TTC5: variants seen among roughly 807,000 people sequenced by gnomAD.
The protein encoded by TTC5 is tetratricopeptide repeat protein 5.
A neutral mutation model predicts 57.4 loss-of-function variants in TTC5; 46 were observed. That is an observed-to-expected ratio of 0.80 (90% CI 0.63 to 1.03). The LOEUF (loss-of-function observed/expected upper bound fraction) is 1.03. TTC5 is among the 50% of genes least tolerant of loss of function. The pLI is 0.00. For synonymous variants in TTC5, 190 were observed against 203.5 expected (o/e 0.93, Z 0.57); for missense variants, 504 against 528.1 (o/e 0.95, Z 0.45).
intron 9 of TTC5, among the ~76,000 whole-genome samples, chr14:20,291,337 C>T (rs901879439): frequency 6.6e-6 from 1 of 152,188 alleles, no homozygotes; most frequent in Admixed American, 6.5e-5. Context: ...GGATTTTACG[C>T]ATGAGCCACC....
intron 3 of TTC5, chr14:20,300,296 G>C (rs907692819): frequency 3.7e-6 from 1 of 268,020 alleles, no homozygotes; most frequent in Non-Finnish European, 7.0e-6. Context: ...ACCACACCCA[G>C]CCCTAATTTT....
intron 1 of TTC5, chr14:20,305,447 G>A (rs775021730): frequency 1.6e-4 from 26 of 165,626 alleles, no homozygotes; most frequent in Non-Finnish European, 3.1e-4. Flanking sequence ...ATCCTAAGGG[G>A]AGTAACCAGG....
chr14:20,303,664 TATAAAAAACGTACATCATATC>T (rs144969007), intron 1 of TTC5, among the ~76,000 whole-genome samples: 8,824 of 152,272 alleles, frequency 0.058, 361 homozygotes, highest in Middle Eastern at 0.1. Context: ...GGAGTGATCT[TATAAAAAACGTACATCATATC>T]ACAAACCTTC....
rs1178070488 is a variant in TTC5, at chr14:20,290,744, CTG to C, written c.1204-1000_1204-999del. 2.6e-5 allele frequency among the ~76,000 whole-genome samples: 4 copies of C among 152,178 alleles called. 1 individual carries two copies. On this transcript the variant is annotated intron_variant, in intron 9 of 9. Transcript: ENST00000258821. ...ACAAGCAAAGATACAAAAATCCTCA[CTG>C]TGTTTCTAATTTTTTTTCTATTATA... is the stretch of plus-strand genomic sequence containing the variant.
chr14:20,289,467 GGA>G lies in TTC5; in HGVS notation c.*158_*159del. On this transcript the variant is annotated 3_prime_UTR_variant, in exon 10 of 10. Transcript: ENST00000258821. ...AGAGCTGGAACATGATGAGGACAGA[GGA>G]GAGAGAAGAGATACGAAGTGTAATA... The G allele has an allele frequency of 1.2e-6, 1 of 814,128 alleles. No individual in the cohort carries two copies. Among genetic ancestry groups the G allele is most frequent in the East Asian group, 2.8e-5 (1 of 35,934 alleles). 50.4% of individuals were successfully genotyped at this position (814,128 alleles called of 1,614,324 possible). A position where few individuals can be genotyped will look rare whatever the true frequency, so the allele number is the denominator to read the frequency against.
chr14:20,296,565 G>C, intron 5 of TTC5, 119 bp from the exon 6 acceptor site: 2 of 812,392 alleles, frequency 2.5e-6, no homozygotes, highest in South Asian at 2.9e-5. Flanking sequence ...TGCCAAAATG[G>C]TATTTATACC....
intron 6 of TTC5, among the ~76,000 whole-genome samples, 160 bp from the exon 7 acceptor site, chr14:20,296,014 CT>C (rs1882055260): frequency 6.6e-6 from 1 of 152,222 alleles, no homozygotes; most frequent in South Asian, 2.1e-4. Context: ...ACCTTACATC[CT>C]TCTTCCTAGC....
intron 9 of TTC5, among the ~76,000 whole-genome samples, chr14:20,291,602 T>C (rs1279547926): frequency 1.3e-5 from 2 of 152,198 alleles, no homozygotes; most frequent in African/African-American, 4.8e-5. Flanking sequence ...TGTGGTGAAA[T>C]ATGTAAAAAC....
At chr14:20,302,101 G>T in intron 1 of TTC5, 136 bp from the exon 2 acceptor site, 1 of 956,716 alleles carries the variant, frequency 1.0e-6, no homozygotes, top group Non-Finnish European at 1.5e-6. Context: ...ATAGGCAGGT[G>T]GACAGGTTTA....
At chr14:20,304,006 A>G (rs1882241596) in intron 1 of TTC5, among the ~76,000 whole-genome samples, 1 of 152,146 alleles carries the variant, frequency 6.6e-6, no homozygotes, top group Admixed American at 6.5e-5. Flanking sequence ...AAATGAATCC[A>G]TTCCTTCTCT....
chr14:20,289,905 C>T (rs756962404), intron 9 of TTC5, among the ~76,000 whole-genome samples, 159 bp from the exon 10 acceptor site: 18 of 152,108 alleles, frequency 1.2e-4, no homozygotes, highest in African/African-American at 4.1e-4. Context: ...ACACAGGGGA[C>T]GAAAATTTCC....
chr14:20,292,245 G>A lies in TTC5; in HGVS notation c.1059-118C>T, dbSNP rs183140264. The A allele has an allele frequency of 1.1e-5, 6 of 549,426 alleles. No homozygotes were observed. The Admixed American group carries it at 1.6e-4, about 14-fold the overall frequency. 34.0% of individuals were successfully genotyped at this position (549,426 alleles called of 1,614,324 possible). On this transcript the variant is annotated intron_variant, in intron 8 of 9. Transcript: ENST00000258821. ...AATACTGGACTTAAAGTCAGTGACA[G>A]GTAATTAAAATAAAATATAAAATTT... is the stretch of plus-strand genomic sequence containing the variant.
At chr14:20,290,067 C>T (rs535429244) in intron 9 of TTC5, among the ~76,000 whole-genome samples, 1 of 152,198 alleles carries the variant, frequency 6.6e-6, no homozygotes, top group Non-Finnish European at 1.5e-5. Context: ...TCTGCCTTTT[C>T]CCACGGTGTT....
At position 20,289,545 on chromosome 14, in the gene TTC5, T is replaced by C. The variant is rs576165623; in HGVS notation, c.*82A>G. ...TTTAAAACATTCCTCCCATCCCTGC[T>C]GAATCACTGGATGTGGCTGGACCGG... On this transcript the variant is annotated 3_prime_UTR_variant, in exon 10 of 10. Transcript: ENST00000258821. 3 of 1,505,596 alleles carry C rather than the reference T, an allele frequency of 2.0e-6. No homozygotes were observed. 93.3% of individuals were successfully genotyped at this position (1,505,596 alleles called of 1,614,324 possible). A position where few individuals can be genotyped will look rare whatever the true frequency, so the allele number is the denominator to read the frequency against.
intron 3 of TTC5, among the ~76,000 whole-genome samples, chr14:20,299,827 C>T (rs1313723459): frequency 6.6e-6 from 1 of 150,806 alleles, no homozygotes; most frequent in East Asian, 2.0e-4. Flanking sequence ...CGCGGGATTA[C>T]AGGTGTGAGC....
At position 20,292,083 on chromosome 14, in the gene TTC5, A is replaced by G; in HGVS notation, c.1103T>C (p.Met368Thr). 2 of 1,594,270 alleles carry G rather than the reference A, an allele frequency of 1.3e-6. 1 individual carries two copies. The highest frequency in any genetic ancestry group is 2.3e-5 in the South Asian group (2 of 88,066). Residue 368 changes from methionine to threonine, a missense_variant, in exon 9 of 10, where the codon ATG becomes ACG. Transcript: ENST00000258821. ...CCAGCTCTGCACTATATTGTACACCATCACTGCATAGCAAGGTCCATCTGA... is the reference window on the plus strand; with the variant it reads ...CCAGCTCTGCACTATATTGTACACCGTCACTGCATAGCAAGGTCCATCTGA... ...VDSDGPCYAVMVYNIVQSWGV... is the reference protein window; with the variant it reads ...VDSDGPCYAVTVYNIVQSWGV...
At chr14:20,303,659 G>A (rs1474345051) in intron 1 of TTC5, among the ~76,000 whole-genome samples, 1 of 151,134 alleles carries the variant, frequency 6.6e-6, no homozygotes, top group Non-Finnish European at 1.5e-5. Flanking sequence ...TAGTGGGAGT[G>A]ATCTTATAAA....
intron 5 of TTC5, among the ~76,000 whole-genome samples, chr14:20,297,725 A>G (rs1882095543): frequency 6.6e-6 from 1 of 152,016 alleles, no homozygotes; most frequent in African/African-American, 2.4e-5. Flanking sequence ...GTGAGCCGAG[A>G]TCGTGCCACT....
At chr14:20,297,955 T>C (rs1357904479) in intron 5 of TTC5, among the ~76,000 whole-genome samples, 1 of 152,096 alleles carries the variant, frequency 6.6e-6, no homozygotes, top group East Asian at 1.9e-4. Context: ...GGTAGAGTTG[T>C]GGGGAGAGTG....
Sources: gnomAD v4.1 joint callset for allele counts (sites outside exome capture counted in the v4.1 genomes callset) on GRCh38, gnomAD v4.1.1 for gene constraint, MANE v1.5 for transcripts, NCBI Gene and HGNC (gene_info 2026-07-23, HGNC 2026-07-21) for gene names.